The following FCRL5 variants were observed in gnomAD, a reference collection of about 807,000 sequenced individuals.
FCRL5 encodes the protein Fc receptor-like protein 5.
FCRL5 carries 79 observed loss-of-function variants against 92.1 expected under a neutral mutation model. The observed-to-expected ratio is 0.86, with a 90% CI of 0.72 to 1.03. FCRL5 has a LOEUF of 1.03. Ranked by LOEUF, FCRL5 falls within the 50% of genes least tolerant of loss-of-function variation. The probability of loss-of-function intolerance (pLI) is 0.00; values close to 1 mark genes in which losing one functional copy is unlikely to be tolerated. For synonymous variants in FCRL5, 466 were observed against 469.3 expected (o/e 0.99, Z 0.09); for missense variants, 1,160 against 1,181.1 (o/e 0.98, Z 0.26).
chr1:157,529,438 A>G (rs1357959311), intron 8 of FCRL5, among the ~76,000 whole-genome samples: 1 of 152,216 alleles, frequency 6.6e-6, no homozygotes, highest in Non-Finnish European at 1.5e-5. Flanking sequence ...CAGCAATCCC[A>G]CTACTGGGTA....
intron 15 of FCRL5, among the ~76,000 whole-genome samples, chr1:157,517,664 G>A (rs986309502): frequency 6.6e-6 from 1 of 152,164 alleles, no homozygotes; most frequent in African/African-American, 2.4e-5. Flanking sequence ...TTAGCCCAGT[G>A]AGACCGGCGT....
chr1:157,546,434 C>A (rs1460755279), intron 3 of FCRL5, among the ~76,000 whole-genome samples: 1 of 134,274 alleles, frequency 7.4e-6, no homozygotes, highest in African/African-American at 2.6e-5. Context: ...GGTGACAGAG[C>A]GAGACTCCAT....
At chr1:157,549,613 G>T in intron 1 of FCRL5, 33 bp from the exon 2 acceptor site, 1 of 1,601,678 alleles carries the variant, frequency 6.2e-7, no homozygotes, top group Middle Eastern at 1.7e-4. Context: ...GATGAGCACA[G>T]AACCATGATT....
At position 157,520,471 on chromosome 1, in the gene FCRL5, C is replaced by T. The variant is rs758663629; in HGVS notation, c.2592G>A (p.Ala864=). The T allele has an allele frequency of 7.6e-6, 12 of 1,573,870 alleles. No individual in the cohort carries two copies. Among genetic ancestry groups the T allele is most frequent in the Admixed American group, 1.8e-5 (1 of 54,356 alleles). ...GGLLSIAGLA[A]GALLLYCWLS... Reference sequence around the variant, plus strand: ...GCCAGCAGTAGAGCAGCAGTGCCCCCGCAGCAAGGCCTGCTATGCTGAGCA... The same window carrying T: ...GCCAGCAGTAGAGCAGCAGTGCCCCTGCAGCAAGGCCTGCTATGCTGAGCA... Residue 864 remains alanine (A), a synonymous_variant, in exon 12 of 17, where the codon GCG becomes GCA. Coordinates refer to ENST00000361835, the MANE Select transcript of FCRL5 (RefSeq NM_031281.3).
intron 2 of FCRL5, chr1:157,547,540 C>T: frequency 2.7e-6 from 1 of 369,982 alleles, no homozygotes; most frequent in Non-Finnish European, 5.1e-6. Context: ...TAAGAAACTC[C>T]AAAGGTTATG....
chr1:157,518,390 T>C (rs1650024192), intron 15 of FCRL5, 39 bp downstream of exon 15: 1 of 1,558,328 alleles, frequency 6.4e-7, no homozygotes, highest in South Asian at 1.1e-5. Context: ...ACTGTCTAAG[T>C]TGAGGGTGGG....
intron 3 of FCRL5, chr1:157,546,103 A>G: frequency 3.6e-6 from 1 of 277,550 alleles, no homozygotes; most frequent in South Asian, 3.2e-5. Context: ...ACCCATAAGT[A>G]TGAACAATTC....
chr1:157,525,155 G>A (rs6661704), intron 9 of FCRL5, among the ~76,000 whole-genome samples: 109,576 of 151,812 alleles, frequency 0.72, 42,651 homozygotes, highest in South Asian at 0.86. Context: ...AGGATGAGAG[G>A]CAGCAATTAA....
intron 13 of FCRL5, 112 bp from the exon 14 acceptor site, chr1:157,518,894 T>C: frequency 1.4e-6 from 1 of 733,610 alleles, no homozygotes; most frequent in African/African-American, 1.7e-5. Flanking sequence ...CCTGGAAACA[T>C]GAACAAGTAC....
chr1:157,534,289 A>G, intron 8 of FCRL5: 1 of 694,402 alleles, frequency 1.4e-6, no homozygotes, highest in East Asian at 2.7e-5. Context: ...AGCTAAGTTA[A>G]TATGTAAATG....
At chr1:157,523,096 A>G (rs1650272900) in intron 10 of FCRL5, among the ~76,000 whole-genome samples, 1 of 152,206 alleles carries the variant, frequency 6.6e-6, no homozygotes, top group Non-Finnish European at 1.5e-5. Flanking sequence ...ACTTTGTGAG[A>G]TGCTGGATCA....
Position 157,524,260 on chromosome 1 carries a change from G to C in FCRL5, c.2239+19C>G. Reference sequence around the variant, plus strand: ...CAGTCAGTTCTCAGATGTGCTGCTGGTGGGCAGGGCCCACTCACCTGCAAC... The same window carrying C: ...CAGTCAGTTCTCAGATGTGCTGCTGCTGGGCAGGGCCCACTCACCTGCAAC... On this transcript the variant is annotated intron_variant, in intron 10 of 16. Coordinates refer to ENST00000361835, the MANE Select transcript of FCRL5 (RefSeq NM_031281.3). The C allele has an allele frequency of 1.2e-6, 2 of 1,613,642 alleles. No homozygotes were observed. The highest frequency in any genetic ancestry group is 1.7e-6 in the Non-Finnish European group (2 of 1,179,592).
At chr1:157,551,333 C>G (rs1160648353) in intron 1 of FCRL5, among the ~76,000 whole-genome samples, 3 of 152,200 alleles carry the variant, frequency 2.0e-5, no homozygotes, top group African/African-American at 7.2e-5. Flanking sequence ...ATTCCTACTT[C>G]AGGAATTATA....
At chr1:157,535,969 T>G in intron 7 of FCRL5, among the ~76,000 whole-genome samples, 1 of 148,912 alleles carries the variant, frequency 6.7e-6, no homozygotes. Context: ...TGAGATGGAG[T>G]CTCACTGTGT....
rs1005843067 is a variant in FCRL5, at chr1:157,514,503, G to T, written c.*1172C>A. ...GGCTGGCCAGGGAGCAGCACGATCC[G>T]TGTGAACCGAGTTGGGCCCTGGGCA... On this transcript the variant is annotated 3_prime_UTR_variant, in exon 17 of 17. Coordinates refer to ENST00000361835, the MANE Select transcript of FCRL5 (RefSeq NM_031281.3). The T allele has an allele frequency of 6.6e-6, 1 of 152,238 alleles. No homozygotes were observed. The highest frequency in any genetic ancestry group is 6.5e-5 in the Admixed American group (1 of 15,284). 9.4% of individuals were successfully genotyped at this position (152,238 alleles called of 1,614,324 possible). A position where few individuals can be genotyped will look rare whatever the true frequency, so the allele number is the denominator to read the frequency against.
At chr1:157,534,304 T>C in intron 8 of FCRL5, 1 of 700,724 alleles carries the variant, frequency 1.4e-6, no homozygotes. Flanking sequence ...TAAATGTCAG[T>C]AGAGAAGTAG....
At position 157,534,757 on chromosome 1, in the gene FCRL5, G is replaced by A. The variant is rs1395226259; in HGVS notation, c.1538C>T (p.Pro513Leu). Reference protein sequence around the residue: ...ILYQFYHEDMPLWSSSTPSVG... With the variant: ...ILYQFYHEDMLLWSSSTPSVG... Reference sequence around the variant, plus strand: ...AGAGGGTGTTGAGCTGCTCCACAGGGGCATGTCCTCATGATAAAACTGGTA... The same window carrying A: ...AGAGGGTGTTGAGCTGCTCCACAGGAGCATGTCCTCATGATAAAACTGGTA... Residue 513 changes from proline (P) to leucine (L), a missense_variant, in exon 8 of 17, where the codon CCC becomes CTC. By Grantham distance (98) the Pro-to-Leu change is moderately conservative (BLOSUM62 -3). Transcript: ENST00000361835. The A allele has an allele frequency of 1.1e-5, 18 of 1,614,098 alleles. No homozygotes were observed. The highest frequency in any genetic ancestry group is 4.0e-5 in the African/African-American group (3 of 75,036).
chr1:157,516,082 C>T, intron 15 of FCRL5: 1 of 639,616 alleles, frequency 1.6e-6, no homozygotes, highest in East Asian at 2.7e-5. Flanking sequence ...TCTTCAACTC[C>T]CCTTCACACT....
chr1:157,544,750 C>G (rs1041530819), intron 4 of FCRL5, 81 bp downstream of exon 4: 1 of 1,558,866 alleles, frequency 6.4e-7, no homozygotes, highest in African/African-American at 1.4e-5. Context: ...TCCAGTCCAC[C>G]CTTTTCCTCC....
Sources: gnomAD v4.1 joint callset for allele counts (sites outside exome capture counted in the v4.1 genomes callset) on GRCh38, gnomAD v4.1.1 for gene constraint, MANE v1.5 for transcripts, NCBI Gene and HGNC (gene_info 2026-07-23, HGNC 2026-07-21) for gene names.